TRIM55: variants seen among roughly 807,000 people sequenced by gnomAD.
TRIM55 encodes the protein tripartite motif-containing protein 55.
Under a neutral mutation model 60.9 loss-of-function variants are expected in TRIM55, and 50 were observed. The ratio of observed to expected loss-of-function variants is 0.82; its 90% CI spans 0.65 to 1.04. TRIM55 has a LOEUF of 1.04. Ranked by LOEUF, TRIM55 falls within the 50% of genes least tolerant of loss-of-function variation. The pLI is 0.00. For missense variants in TRIM55, 681 were observed against 666.9 expected (o/e 1.02, Z -0.23); for synonymous variants, 237 against 238.1 (o/e 1.00, Z 0.04).
At chr8:66,116,640 G>A in the TRIM55 span, among the ~76,000 whole-genome samples, 3 of 70,544 alleles carry the variant, frequency 4.3e-5, no homozygotes, top group African/African-American at 2.6e-4. Flanking sequence ...AAAAAAGACT[G>A]GAAACATGCA....
At chr8:66,157,694 A>G (rs1194503524) in intron 9 of TRIM55, among the ~76,000 whole-genome samples, 1 of 152,216 alleles carries the variant, frequency 6.6e-6, no homozygotes, top group East Asian at 1.9e-4. Context: ...CAACAGCTGA[A>G]CTGCAAACCT....
At chr8:66,174,170 TA>T (rs59239417) in intron 9 of TRIM55, among the ~76,000 whole-genome samples, 1,911 of 141,428 alleles carry the variant, frequency 0.014, 40 homozygotes, top group African/African-American at 0.042. Context: ...CAAGTGGACT[TA>T]AAAAAAAAAA....
intron 9 of TRIM55, among the ~76,000 whole-genome samples, chr8:66,168,645 A>T (rs1811453971): frequency 6.6e-6 from 1 of 152,202 alleles, no homozygotes; most frequent in African/African-American, 2.4e-5. Flanking sequence ...CTTTAAATTG[A>T]CCCAGAAAGA....
intron 4 of TRIM55, among the ~76,000 whole-genome samples, chr8:66,149,291 A>T (rs1393574539): frequency 6.6e-6 from 1 of 152,216 alleles, no homozygotes; most frequent in East Asian, 1.9e-4. Context: ...ACACATGCAC[A>T]CACACTCCAA....
chr8:66,173,776 G>A (rs1811769181), intron 9 of TRIM55, among the ~76,000 whole-genome samples: 2 of 152,098 alleles, frequency 1.3e-5, no homozygotes, highest in Non-Finnish European at 2.9e-5. Flanking sequence ...TTTTGCTTAT[G>A]ACATAGATTA....
the TRIM55 span, chr8:66,113,406 A>AT: frequency 2.4e-6 from 1 of 416,020 alleles, no homozygotes; most frequent in South Asian, 1.7e-5. Context: ...GACTGTAGCT[A>AT]CTTCCTCAGC....
chr8:66,163,613 C>G (rs57836505), intron 9 of TRIM55, among the ~76,000 whole-genome samples: 1 of 152,062 alleles, frequency 6.6e-6, no homozygotes, highest in Non-Finnish European at 1.5e-5. Flanking sequence ...CAGTTTAATT[C>G]TGTTGTGGAG....
chr8:66,148,945 A>T (rs1404917901), intron 4 of TRIM55, among the ~76,000 whole-genome samples: 3 of 152,120 alleles, frequency 2.0e-5, no homozygotes, highest in African/African-American at 7.2e-5. Context: ...GCTACTTGGG[A>T]TGCTGAGGCA....
intron 3 of TRIM55, 37 bp downstream of exon 3, chr8:66,135,192 C>G: frequency 6.2e-7 from 1 of 1,611,256 alleles, no homozygotes; most frequent in South Asian, 1.1e-5. Flanking sequence ...CAACCCCTCC[C>G]CATCCCCACA....
chr8:66,172,147 G>A (rs924394074), intron 9 of TRIM55, among the ~76,000 whole-genome samples: 6 of 152,124 alleles, frequency 3.9e-5, no homozygotes, highest in African/African-American at 1.4e-4. Context: ...TGCTTTATGT[G>A]TATTACTTTA....
chr8:66,138,392 T>G (rs1220182068), intron 4 of TRIM55, among the ~76,000 whole-genome samples: 1 of 152,096 alleles, frequency 6.6e-6, no homozygotes, highest in African/African-American at 2.4e-5. Flanking sequence ...GTTTTTGGGG[T>G]TTTTGTTTGT....
chr8:66,141,396 C>T (rs1809808997), intron 4 of TRIM55, among the ~76,000 whole-genome samples: 1 of 152,156 alleles, frequency 6.6e-6, no homozygotes, highest in African/African-American at 2.4e-5. Context: ...TGGAGGGCTT[C>T]TGGGCTGTTC....
At chr8:66,143,673 G>T (rs1809949401) in intron 4 of TRIM55, among the ~76,000 whole-genome samples, 2 of 151,536 alleles carry the variant, frequency 1.3e-5, no homozygotes, top group African/African-American at 4.9e-5. Flanking sequence ...TGAAGCTTTT[G>T]CATGAAGGCT....
chr8:66,139,904 AT>A (rs1809708810), intron 4 of TRIM55, among the ~76,000 whole-genome samples: 1 of 152,218 alleles, frequency 6.6e-6, no homozygotes, highest in African/African-American at 2.4e-5. Context: ...ACCATGTAAC[AT>A]TTTGGTCAAT....
intron 4 of TRIM55, among the ~76,000 whole-genome samples, chr8:66,145,623 T>TA (rs1027959195): frequency 2.6e-5 from 4 of 152,126 alleles, no homozygotes; most frequent in Admixed American, 2.6e-4. Flanking sequence ...GCCTTGCCTT[T>TA]AAAAAATCTA....
chr8:66,150,364 T>C lies in TRIM55; in HGVS notation c.883T>C (p.Phe295Leu), dbSNP rs928227759. ...CAGAATCTCGGAAGCATCAAAGGCA[T>C]TTCAGATGGAGAAAATAGAACATGG... ...LKKISEASKA[F>L]QMEKIEHGYE... Residue 295 changes from phenylalanine to leucine, a missense_variant, in exon 7 of 10, where the codon TTT (phenylalanine) becomes CTT (leucine). By Grantham distance (22) the Phe-to-Leu change is conservative (BLOSUM62 0). Coordinates refer to ENST00000315962, the MANE Select transcript of TRIM55 (RefSeq NM_184085.2). 5.0e-6 allele frequency: 8 copies of C among 1,614,058 alleles called. No individual in the cohort carries two copies. In the African/African-American group the frequency reaches 1.1e-4, roughly 22 times the overall value.
intron 4 of TRIM55, among the ~76,000 whole-genome samples, chr8:66,148,606 G>A (rs189942534): frequency 3.3e-5 from 5 of 152,310 alleles, no homozygotes; most frequent in African/African-American, 1.2e-4. Context: ...AAGAAAGTGA[G>A]TGGTTTATTT....
intron 8 of TRIM55, 152 bp downstream of exon 8, chr8:66,152,779 T>G: frequency 8.9e-7 from 1 of 1,118,082 alleles, no homozygotes; most frequent in Non-Finnish European, 1.2e-6. Flanking sequence ...ACAGTCCTCA[T>G]GTCGGGGAGA....
chr8:66,138,247 C>G (rs1809598243), intron 4 of TRIM55, among the ~76,000 whole-genome samples: 1 of 152,190 alleles, frequency 6.6e-6, no homozygotes, highest in Non-Finnish European at 1.5e-5. Context: ...TAGATTGCCA[C>G]TCTAACATGT....
Sources: gnomAD v4.1 joint callset for allele counts (sites outside exome capture counted in the v4.1 genomes callset) on GRCh38, gnomAD v4.1.1 for gene constraint, MANE v1.5 for transcripts, NCBI Gene and HGNC (gene_info 2026-07-23, HGNC 2026-07-21) for gene names.